The following LRGUK variants were observed in gnomAD, a reference collection of about 807,000 sequenced individuals.
LRGUK encodes leucine rich repeats and guanylate kinase domain containing, also known as leucine-rich repeat and guanylate kinase domain-containing protein.
Under a neutral mutation model 76.0 loss-of-function variants are expected in LRGUK, and 65 were observed. That is an observed-to-expected ratio of 0.85 (90% CI 0.70 to 1.05). The LOEUF (loss-of-function observed/expected upper bound fraction) is 1.05. Ranked by LOEUF, LRGUK falls within the 50% of genes least tolerant of loss-of-function variation. LRGUK has a pLI of 0.00. For missense variants in LRGUK, 758 were observed against 732.8 expected, an observed-to-expected ratio of 1.03 and a Z score of -0.40; for synonymous variants, 268 against 265.6, an observed-to-expected ratio of 1.01 and a Z score of -0.09.
intron 13 of LRGUK, among the ~76,000 whole-genome samples, 176 bp downstream of exon 13, chr7:134,197,281 C>A (rs902728698): frequency 2.8e-4 from 42 of 152,138 alleles, no homozygotes; most frequent in Admixed American, 4.6e-4. Context: ...GAGGGGTATA[C>A]AATGCACAGG....
At chr7:134,147,045 G>T (rs34545286) in intron 4 of LRGUK, among the ~76,000 whole-genome samples, 1 of 151,828 alleles carries the variant, frequency 6.6e-6, no homozygotes, top group Non-Finnish European at 1.5e-5. Context: ...AACAGAAGTT[G>T]CTGAAAAAGC....
At chr7:134,157,937 C>A in intron 5 of LRGUK, 98 bp from the exon 6 acceptor site, 1 of 972,658 alleles carries the variant, frequency 1.0e-6, no homozygotes, top group Non-Finnish European at 1.5e-6. Context: ...TTTATTTAAG[C>A]TGTGGTCTGC....
intron 16 of LRGUK, among the ~76,000 whole-genome samples, chr7:134,225,150 C>A (rs1039883217): frequency 2.0e-3 from 229 of 116,366 alleles, no homozygotes; most frequent in Non-Finnish European, 2.8e-3. Context: ...AAAAAAAAAA[C>A]CCACTCTGTG....
intron 10 of LRGUK, among the ~76,000 whole-genome samples, chr7:134,179,967 G>A (rs1364507001): frequency 1.3e-5 from 2 of 152,186 alleles, no homozygotes; most frequent in East Asian, 3.9e-4. Flanking sequence ...TGCCATTACT[G>A]GGGAATCACT....
At chr7:134,181,989 C>G (rs1799772713) in intron 10 of LRGUK, among the ~76,000 whole-genome samples, 1 of 152,144 alleles carries the variant, frequency 6.6e-6, no homozygotes, top group African/African-American at 2.4e-5. Flanking sequence ...CTATAATAGC[C>G]ATAGCACCTC....
intron 13 of LRGUK, among the ~76,000 whole-genome samples, chr7:134,198,302 C>T (rs1800599930): frequency 1.3e-5 from 2 of 152,172 alleles, no homozygotes; most frequent in Non-Finnish European, 2.9e-5. Flanking sequence ...CAGAAACTCT[C>T]CATCTTTTGT....
chr7:134,275,230 T>C, the LRGUK span, among the ~76,000 whole-genome samples: 3 of 152,164 alleles, frequency 2.0e-5, no homozygotes, highest in Non-Finnish European at 4.4e-5. Flanking sequence ...AATACATCTT[T>C]AAGAGCTATT....
chr7:134,255,280 A>G (rs982567181), intron 18 of LRGUK, among the ~76,000 whole-genome samples: 1 of 151,202 alleles, frequency 6.6e-6, no homozygotes, highest in Admixed American at 6.6e-5. Flanking sequence ...TATAACTACT[A>G]CCCGGCGAGA....
intron 12 of LRGUK, among the ~76,000 whole-genome samples, chr7:134,196,177 G>A (rs1800479879): frequency 1.3e-5 from 2 of 152,102 alleles, no homozygotes; most frequent in Admixed American, 6.6e-5. Context: ...GATCATCCAC[G>A]TTTTTATTCC....
chr7:134,241,315 G>A (rs1286000644), intron 16 of LRGUK, among the ~76,000 whole-genome samples: 20 of 152,208 alleles, frequency 1.3e-4, no homozygotes, highest in East Asian at 3.9e-4. Context: ...CCCATCTCAC[G>A]TGCAGAGACA....
chr7:134,142,764 A>G (rs1421016827), intron 3 of LRGUK, among the ~76,000 whole-genome samples: 1 of 152,186 alleles, frequency 6.6e-6, no homozygotes, highest in Non-Finnish European at 1.5e-5. Context: ...TGGCAGAGTG[A>G]GCGGGCATGC....
In LRGUK at chr7:134,179,615, T is replaced by C. The variant is rs545933894; in HGVS notation, c.1214+1006T>C. Among the ~76,000 whole-genome samples, 17 of 152,328 alleles carry C rather than the reference T, an allele frequency of 1.1e-4. 1 individual carries two copies. In the South Asian group the frequency reaches 2.3e-3, roughly 20 times the overall value. On this transcript the variant is annotated intron_variant, in intron 10 of 15. Coordinates refer to ENST00000645682, the Ensembl canonical transcript of LRGUK. ...CAAAAGAGGGGCATTTATCTCCTCATTGTATTTCTATTCTAGTTTATGGTA... is the reference window on the plus strand; with the variant it reads ...CAAAAGAGGGGCATTTATCTCCTCACTGTATTTCTATTCTAGTTTATGGTA...
chr7:134,197,063 C>T (rs1585536338), exon 13 of LRGUK: 3 of 1,611,580 alleles, frequency 1.9e-6, no homozygotes, highest in South Asian at 2.2e-5. Context: ...TAGAAGGTAT[C>T]GCAAGAGATG....
At chr7:134,142,030 G>T (rs1797786719) in intron 3 of LRGUK, among the ~76,000 whole-genome samples, 2 of 152,130 alleles carry the variant, frequency 1.3e-5, no homozygotes. Context: ...TCAGGGCAGG[G>T]CCCCAACTAC....
At chr7:134,267,888 G>A, downstream of LRGUK, among the ~76,000 whole-genome samples, 1 of 151,772 alleles carries the variant, frequency 6.6e-6, no homozygotes, top group East Asian at 1.9e-4. Flanking sequence ...ATATGCCAGT[G>A]TAACGAACCT....
At chr7:134,162,826 CAAAA>C (rs11445116) in intron 6 of LRGUK, among the ~76,000 whole-genome samples, 86 of 61,172 alleles carry the variant, frequency 1.4e-3, no homozygotes, top group African/African-American at 5.3e-3. Context: ...GACTCCTTCT[CAAAA>C]AAAAAAAAAA....
rs57035440 is a variant in LRGUK, at chr7:134,226,218, ATG to A, written c.1983+4342_1983+4343del. ...GACAAGGTAGAAATTCCCATCTCCA[ATG>A]TGTGTGTGTGTGTGTGTGTGTGTGT... is the stretch of plus-strand genomic sequence containing the variant. On this transcript the variant is annotated intron_variant, in intron 16 of 19. Coordinates refer to the LRGUK transcript ENST00000285928. 3.8e-3 allele frequency among the ~76,000 whole-genome samples: 535 copies of A among 141,772 alleles called. 1 individual carries two copies. Among genetic ancestry groups the A allele is most frequent in the East Asian group, 0.021 (104 of 4,960 alleles). 93.0% of individuals were successfully genotyped at this position (141,772 alleles called of 152,430 possible).
chr7:134,257,470 A>G (rs949567895), intron 18 of LRGUK, among the ~76,000 whole-genome samples: 1 of 152,288 alleles, frequency 6.6e-6, no homozygotes, highest in Middle Eastern at 3.4e-3. Context: ...GCTCAGAGGC[A>G]GGGATTTCAG....
intron 7 of LRGUK, among the ~76,000 whole-genome samples, chr7:134,169,118 G>A (rs545584803): frequency 1.4e-5 from 2 of 148,052 alleles, no homozygotes; most frequent in Admixed American, 1.4e-4. Flanking sequence ...CCTGATAAGA[G>A]GCTGAAGGGA....
Sources: allele counts gnomAD v4.1 joint callset (sites outside exome capture counted in the v4.1 genomes callset), GRCh38; gene constraint gnomAD v4.1.1; transcripts MANE v1.5; gene names NCBI Gene and HGNC (gene_info 2026-07-23, HGNC 2026-07-21).